KAZN: variants seen among roughly 807,000 people sequenced by gnomAD.
The protein encoded by KAZN is kazrin, periplakin interacting protein.
Under a neutral mutation model 87.4 loss-of-function variants are expected in KAZN, and 40 were observed. The observed-to-expected ratio is 0.46, with a 90% CI of 0.36 to 0.60. KAZN has a LOEUF of 0.60. KAZN is among the 20% of genes least tolerant of loss of function. KAZN has a pLI of 0.00. For missense variants in KAZN, 898 were observed against 1,073.9 expected, an observed-to-expected ratio of 0.84 and a Z score of 2.29; for synonymous variants, 466 against 458.3, an observed-to-expected ratio of 1.02 and a Z score of -0.22.
chr1:14,506,894 A>G (rs373567331), intron 2 of KAZN, among the ~76,000 whole-genome samples: 25 of 152,328 alleles, frequency 1.6e-4, no homozygotes, highest in African/African-American at 5.5e-4. Context: ...TCAGCTTTGC[A>G]AAGGAGGCTG....
chr1:13,914,324 A>C (rs1349983512), intron 1 of KAZN, among the ~76,000 whole-genome samples: 1 of 152,210 alleles, frequency 6.6e-6, no homozygotes, highest in Admixed American at 6.5e-5. Flanking sequence ...CTGAGCATCA[A>C]TTTCCTCAAC....
intron 1 of KAZN, among the ~76,000 whole-genome samples, chr1:14,917,998 C>T (rs1224478732): frequency 6.6e-6 from 1 of 152,148 alleles, no homozygotes; most frequent in Non-Finnish European, 1.5e-5. Context: ...ACTGCCTCAG[C>T]CTCCCGAGTA....
At chr1:14,069,414 A>G (rs1288440617) in intron 1 of KAZN, among the ~76,000 whole-genome samples, 1 of 152,236 alleles carries the variant, frequency 6.6e-6, no homozygotes, top group Non-Finnish European at 1.5e-5. Context: ...GATTTCATGC[A>G]CTGTGCGCTG....
rs143227871 is a variant in KAZN at position 14,374,248 on chromosome 1, G to C, written c.249+193656G>C. On this transcript the variant is annotated intron_variant, in intron 2 of 16. Coordinates refer to the KAZN transcript ENST00000636203. ...AGGTGTCCTGACCACACCTCACATG[G>C]ACCACTCACCCCAGGCAGTTATGAC... Among the ~76,000 whole-genome samples the C allele has an allele frequency of 7.6e-4, 116 of 152,268 alleles. 2 individuals are homozygous for C. The highest frequency in any genetic ancestry group is 6.8e-3 in the Middle Eastern group (2 of 294).
intron 1 of KAZN, among the ~76,000 whole-genome samples, chr1:13,922,626 G>A (rs926243741): frequency 1.3e-5 from 2 of 152,138 alleles, no homozygotes; most frequent in Admixed American, 6.5e-5. Flanking sequence ...GTGGCTGAAC[G>A]CAGCTGGGGT....
intron 1 of KAZN, among the ~76,000 whole-genome samples, chr1:14,798,536 G>A (rs1405286329): frequency 1.5e-5 from 2 of 130,504 alleles, no homozygotes; most frequent in African/African-American, 3.0e-5. Context: ...CCAGGTTCAC[G>A]CCATTCTCCT....
chr1:14,005,021 C>T (rs538889763), intron 1 of KAZN, among the ~76,000 whole-genome samples: 39 of 152,208 alleles, frequency 2.6e-4, no homozygotes, highest in Admixed American at 9.8e-4. Flanking sequence ...GCACTCCCTC[C>T]GCTTTAGACT....
chr1:14,920,484 C>A (rs545588050), intron 1 of KAZN, among the ~76,000 whole-genome samples: 4 of 151,710 alleles, frequency 2.6e-5, no homozygotes, highest in South Asian at 2.1e-4. Flanking sequence ...GCTGTCTTTC[C>A]GGACCCCCAA....
intron 2 of KAZN, among the ~76,000 whole-genome samples, chr1:14,220,059 C>T (rs997640571): frequency 2.0e-5 from 3 of 152,190 alleles, no homozygotes; most frequent in Non-Finnish European, 4.4e-5. Context: ...CCCTGATCTC[C>T]CTCCTGCCTT....
chr1:14,805,989 A>T (rs1387614052), intron 1 of KAZN, among the ~76,000 whole-genome samples: 1 of 152,156 alleles, frequency 6.6e-6, no homozygotes, highest in Admixed American at 6.5e-5. Context: ...AGTGGATGGT[A>T]AAGGTTGCTT....
chr1:14,167,461 G>T lies in KAZN; in HGVS notation c.92-12974G>T, dbSNP rs1183486665. ...ATGGAGGCAGGGCATGGTGGCTCAT[G>T]TCTGTAATCCCAGTACTCTGGGAGG... On this transcript the variant is annotated intron_variant, in intron 1 of 16. Transcript: ENST00000636203. 4.6e-5 allele frequency among the ~76,000 whole-genome samples: 7 copies of T among 152,166 alleles called. 1 individual carries two copies. In the South Asian group the frequency reaches 1.4e-3, roughly 32 times the overall value.
intron 2 of KAZN, among the ~76,000 whole-genome samples, chr1:14,981,317 G>A (rs529898232): frequency 5.9e-5 from 9 of 152,302 alleles, no homozygotes; most frequent in African/African-American, 2.2e-4. Context: ...ACAGTTCTGT[G>A]CATTAAAGAC....
chr1:15,113,682 G>C (rs12085116), intron 14 of KAZN: 9,826 of 34,796 alleles, frequency 0.28, 1,053 homozygotes, highest in African/African-American at 0.5. Context: ...TTTTTTTTGA[G>C]ACAGGGTCTC....
intron 2 of KAZN, among the ~76,000 whole-genome samples, chr1:14,418,330 C>G (rs1665007903): frequency 6.6e-6 from 1 of 152,160 alleles, no homozygotes; most frequent in Admixed American, 6.5e-5. Context: ...AAGTCTCAAG[C>G]CATGCCGGCT....
intron 2 of KAZN, among the ~76,000 whole-genome samples, chr1:14,263,176 GT>G (rs1256086037): frequency 6.6e-6 from 1 of 152,114 alleles, no homozygotes; most frequent in Non-Finnish European, 1.5e-5. Context: ...ACTTCCCAGG[GT>G]TTCTTTAAGC....
intron 2 of KAZN, among the ~76,000 whole-genome samples, chr1:14,345,381 TTC>T (rs35576636): frequency 0.27 from 41,549 of 152,082 alleles, 6,200 homozygotes; most frequent in East Asian, 0.48. Flanking sequence ...ACATCTGCAT[TTC>T]TGTTTGCTGG....
intron 2 of KAZN, among the ~76,000 whole-genome samples, chr1:14,559,528 C>T (rs1479663398): frequency 6.6e-6 from 1 of 152,132 alleles, no homozygotes; most frequent in Non-Finnish European, 1.5e-5. Context: ...TAAAATGAGA[C>T]CAGAATTATC....
At chr1:14,219,467 T>C (rs1200021795) in intron 2 of KAZN, among the ~76,000 whole-genome samples, 2 of 152,168 alleles carry the variant, frequency 1.3e-5, no homozygotes, top group Non-Finnish European at 2.9e-5. Flanking sequence ...AAAACATATA[T>C]AATGTACCTT....
intron 1 of KAZN, among the ~76,000 whole-genome samples, chr1:14,708,319 T>C (rs892333538): frequency 6.6e-6 from 1 of 152,178 alleles, no homozygotes; most frequent in Admixed American, 6.5e-5. Flanking sequence ...CAGAGGTGAT[T>C]AACAGGAACA....
Sources: allele counts gnomAD v4.1 joint callset (sites outside exome capture counted in the v4.1 genomes callset), GRCh38; gene constraint gnomAD v4.1.1; transcripts MANE v1.5; gene names NCBI Gene and HGNC (gene_info 2026-07-23, HGNC 2026-07-21).